The following CNTN2 variants were observed in gnomAD, a reference collection of about 807,000 sequenced individuals.
CNTN2 encodes the protein contactin-2.
A neutral mutation model predicts 117.5 loss-of-function variants in CNTN2; 53 were observed. The ratio of observed to expected loss-of-function variants is 0.45; its 90% CI spans 0.36 to 0.57. The LOEUF is 0.57. Ranked by LOEUF, CNTN2 falls within the 20% of genes least tolerant of loss-of-function variation. CNTN2 has a pLI of 0.00. For missense variants in CNTN2, 1,106 were observed against 1,404.3 expected (o/e 0.79, Z 3.39); for synonymous variants, 530 against 561.7 (o/e 0.94, Z 0.80).
chr1:205,064,994 G>T, intron 12 of CNTN2, 93 bp from the exon 13 acceptor site: 3 of 1,406,862 alleles, frequency 2.1e-6, no homozygotes, highest in Non-Finnish European at 2.9e-6. Context: ...CTCTTTGCTG[G>T]GCCTTAGGAC....
In CNTN2 at chr1:205,065,690, G is replaced by T; in HGVS notation, c.1696-99G>T. ...TCCAGTGGGGTCCATGGATGTCATG[G>T]AGTAGGGGACTCCCAAGCGCTGCCT... On this transcript the variant is annotated intron_variant, in intron 13 of 22. Transcript: ENST00000331830. The surrounding 1 kb of genome is among the most constrained non-coding windows in gnomAD (Gnocchi z 4.1). The T allele has an allele frequency of 1.6e-6, 1 of 610,326 alleles. No individual in the cohort carries two copies. The allele number at this position is 610,326 out of a possible 1,614,324, so 37.8% of individuals were successfully genotyped here.
intron 12 of CNTN2, 119 bp downstream of exon 12, chr1:205,064,869 C>A: frequency 6.8e-7 from 1 of 1,466,546 alleles, no homozygotes; most frequent in South Asian, 1.3e-5. Context: ...CCCCAGGATT[C>A]AGTTTTGCTT....
In CNTN2 at chr1:205,073,336, G is replaced by T. The variant is rs968953859; in HGVS notation, c.3013+100G>T. The T allele has an allele frequency of 1.4e-6, 2 of 1,412,222 alleles. No homozygotes were observed. The highest frequency in any genetic ancestry group is 2.0e-5 in the Admixed American group (1 of 50,010). The allele number at this position is 1,412,222 out of a possible 1,614,324, so 87.5% of individuals were successfully genotyped here. On this transcript the variant is annotated intron_variant, in intron 22 of 22. Transcript: ENST00000331830. The surrounding 1 kb of genome is among the most constrained non-coding windows in gnomAD (Gnocchi z 6.3). ...CCCAGGCCAACTCCAATCTCTACCCGCAAAGGAAAGTGGAAGGCAGGCAGG... is the reference window on the plus strand; with the variant it reads ...CCCAGGCCAACTCCAATCTCTACCCTCAAAGGAAAGTGGAAGGCAGGCAGG...
intron 1 of CNTN2, among the ~76,000 whole-genome samples, chr1:205,044,202 G>A (rs2096437175): frequency 6.6e-6 from 1 of 152,170 alleles, no homozygotes; most frequent in Non-Finnish European, 1.5e-5. Flanking sequence ...GCAGAGCTGG[G>A]GAGTTCTGGA....
intron 10 of CNTN2, 30 bp from the exon 11 acceptor site, chr1:205,064,292 T>C (rs1425466247): frequency 6.5e-7 from 1 of 1,531,774 alleles, no homozygotes; most frequent in African/African-American, 1.4e-5. Flanking sequence ...TGACAGTACT[T>C]TTCTCTGTGG....
In CNTN2 at chr1:205,072,125, T is replaced by C. The variant is rs1483912425; in HGVS notation, c.2723T>C (p.Met908Thr). Residue 908 changes from methionine to threonine, a missense_variant, in exon 20 of 23, where the codon ATG becomes ACG. Physicochemically the swap from Met to Thr is moderately conservative, Grantham distance 81 (BLOSUM62 -1). Coordinates refer to ENST00000331830, the MANE Select transcript of CNTN2 (RefSeq NM_005076.5). ...AGCCCTTCTGCCAACGCCACGACCATGAAGCCCCGTGAGTCTGTCTGCCTG... is the reference window on the plus strand; with the variant it reads ...AGCCCTTCTGCCAACGCCACGACCACGAAGCCCCGTGAGTCTGTCTGCCTG... ...PASPSANATT[M>T]KPPPRRPPGN... 1 of 1,608,646 alleles carries C rather than the reference T, an allele frequency of 6.2e-7. No individual in the cohort carries two copies.
At chr1:205,060,715 C>CAAAAAAAAAAAAAA (rs34919627) in intron 7 of CNTN2, 2 of 96,396 alleles carry the variant, frequency 2.1e-5, no homozygotes, top group African/African-American at 4.1e-5. Flanking sequence ...GACTCCGTCT[C>CAAAAAAAAAAAAAA]AAAAAAAAAA....
Position 205,062,420 on chromosome 1 carries a change from C to T in CNTN2, c.1111-20C>T. 1 of 1,604,798 alleles carries T rather than the reference C, an allele frequency of 6.2e-7. No individual in the cohort carries two copies. On this transcript the variant is annotated intron_variant, in intron 9 of 22. Coordinates refer to ENST00000331830, the MANE Select transcript of CNTN2 (RefSeq NM_005076.5). ...CTCCTGTGGTCCTGATCCCCCTGGG[C>T]TCTGGGCTCTTCTGCACAGAACCGG...
chr1:205,067,952 A>G lies in CNTN2; in HGVS notation c.2125+702A>G, dbSNP rs6692343. On this transcript the variant is annotated intron_variant, in intron 16 of 22. Transcript: ENST00000331830. ...CAAAAAAAAAAAAAAAAAAAAAAAAAAAAGAAAGAAAAAAAGGAAATCAGT... is the reference window on the plus strand; with the variant it reads ...CAAAAAAAAAAAAAAAAAAAAAAAAGAAAGAAAGAAAAAAAGGAAATCAGT... 795 of 153,160 alleles carry G rather than the reference A, an allele frequency of 5.2e-3. 8 individuals carry two copies. The highest frequency in any genetic ancestry group is 0.018 in the African/African-American group (720 of 40,508). 9.5% of individuals were successfully genotyped at this position (153,160 alleles called of 1,614,324 possible).
Position 205,069,873 on chromosome 1 carries a change from T to C in CNTN2, c.2243T>C (p.Leu748Pro). 1 of 1,613,830 alleles carries C rather than the reference T, an allele frequency of 6.2e-7. No homozygotes were observed. Among genetic ancestry groups the C allele is most frequent in the Non-Finnish European group, 8.5e-7 (1 of 1,180,002 alleles). The change falls in exon 18 of 23, where the codon CTG (leucine) becomes CCG (proline). Residue 748 changes from leucine to proline, a missense_variant. Transcript: ENST00000331830. ...YQNGDGFGYL[L>P]SFRRQGSTHW... ...AACGGAGACGGCTTCGGCTACCTGCTGTCCTTCCGCAGGCAGGGCAGCACT... is the reference window on the plus strand; with the variant it reads ...AACGGAGACGGCTTCGGCTACCTGCCGTCCTTCCGCAGGCAGGGCAGCACT...
intron 11 of CNTN2, 63 bp downstream of exon 11, chr1:205,064,535 C>A: frequency 6.3e-7 from 1 of 1,595,470 alleles, no homozygotes; most frequent in Non-Finnish European, 8.6e-7. Flanking sequence ...GAGGCCAATT[C>A]CCCTCCTGTG....
Position 205,073,396 on chromosome 1 carries a change from C to T in CNTN2, c.3013+160C>T, listed in dbSNP as rs1045438821. 4.3e-5 allele frequency: 39 copies of T among 904,106 alleles called. No homozygotes were observed. The highest frequency in any genetic ancestry group is 4.0e-4 in the African/African-American group (24 of 59,638). 56.0% of individuals were successfully genotyped at this position (904,106 alleles called of 1,614,324 possible). On this transcript the variant is annotated intron_variant, in intron 22 of 22. Coordinates refer to ENST00000331830, the MANE Select transcript of CNTN2 (RefSeq NM_005076.5). The surrounding 1 kb of genome is among the most constrained non-coding windows in gnomAD (Gnocchi z 6.3). ...CAAAGTAGTCTTAGAACTGCCTCGC[C>T]GCCACCTTTCTACCCAGCCCCCAGA... is the stretch of plus-strand genomic sequence containing the variant.
intron 12 of CNTN2, 50 bp downstream of exon 12, chr1:205,064,800 T>C: frequency 6.2e-7 from 1 of 1,603,038 alleles, no homozygotes; most frequent in Non-Finnish European, 8.5e-7. Context: ...CTCAGGGTAC[T>C]GTCCTCCCCA....
At chr1:205,066,112 A>T (rs1654276812) in intron 14 of CNTN2, 2 of 701,156 alleles carry the variant, frequency 2.9e-6, no homozygotes, top group Non-Finnish European at 4.6e-6. Context: ...GTCAAAGTTT[A>T]AAAAATCCAC....
At position 205,065,381 on chromosome 1, in the gene CNTN2, T is replaced by A; in HGVS notation, c.1695+119T>A. On this transcript the variant is annotated intron_variant, in intron 13 of 22. Coordinates refer to ENST00000331830, the MANE Select transcript of CNTN2 (RefSeq NM_005076.5). This position sits in a 1 kb window ranked among gnomAD's most constrained non-coding sequence, Gnocchi z 4.1. The stretch of plus-strand genomic sequence containing the variant: ...CCATAGCCTAAGCGCCCCCATTCCC[T>A]CAGGCCCACACATGGCAAGCTCATC... The A allele has an allele frequency of 9.6e-7, 1 of 1,037,068 alleles. No homozygotes were observed. The highest frequency in any genetic ancestry group is 1.4e-6 in the Non-Finnish European group (1 of 706,024). The allele number at this position is 1,037,068 out of a possible 1,614,324, so 64.2% of individuals were successfully genotyped here. A position where few individuals can be genotyped will look rare whatever the true frequency, so the allele number is the denominator to read the frequency against.
chr1:205,063,647 A>G (rs1284313848), intron 10 of CNTN2: 1 of 142,678 alleles, frequency 7.0e-6, no homozygotes, highest in African/African-American at 2.6e-5. Flanking sequence ...AAAAAAGAAG[A>G]AGAAAGAAAA....
chr1:205,067,153 C>T lies in CNTN2; in HGVS notation c.2028C>T (p.Thr676=). 1 of 1,614,128 alleles carries T rather than the reference C, an allele frequency of 6.2e-7. No individual in the cohort carries two copies. Among genetic ancestry groups the T allele is most frequent in the Non-Finnish European group, 8.5e-7 (1 of 1,180,004 alleles). ...AGACTGCACAGGTGCTGGGCCTCACCCCCTGGATGGACTATGAGTTCCGGG... is the reference window on the plus strand; with the variant it reads ...AGACTGCACAGGTGCTGGGCCTCACTCCCTGGATGGACTATGAGTTCCGGG... ...NAETAQVLGL[T]PWMDYEFRVI... Residue 676 remains threonine, a synonymous_variant, in exon 16 of 23, where the codon ACC becomes ACT. Coordinates refer to ENST00000331830, the MANE Select transcript of CNTN2 (RefSeq NM_005076.5).
At position 205,074,500 on chromosome 1, in the gene CNTN2, A is replaced by G. The variant is rs1420748082; in HGVS notation, c.*735A>G. ...CCTTGGTCTGAGATAGTCACAACCC[A>G]GGTGACGATGCCCTCTCAGCCAACA... On this transcript the variant is annotated 3_prime_UTR_variant, in exon 23 of 23. Transcript: ENST00000331830. The G allele has an allele frequency of 7.5e-6, 3 of 398,168 alleles. No individual in the cohort carries two copies. Among genetic ancestry groups the G allele is most frequent in the Non-Finnish European group, 1.3e-5 (3 of 226,146 alleles). The allele number at this position is 398,168 out of a possible 1,614,324, so 24.7% of individuals were successfully genotyped here.
Position 205,064,628 on chromosome 1 carries a change from C to T in CNTN2, c.1397C>T (p.Thr466Ile), listed in dbSNP as rs145344980. Residue 466 changes from threonine to isoleucine, a missense_variant, in exon 12 of 23, where the codon ACT (threonine) becomes ATT (isoleucine). Coordinates refer to ENST00000331830, the MANE Select transcript of CNTN2 (RefSeq NM_005076.5). ...TEILVNSSRV[T>I]VTPDGTLIIR... ...CTGCCTTGTCCTTGCCACAGAGTGACTGTAACTCCAGATGGCACCTTGATC... is the reference window on the plus strand; with the variant it reads ...CTGCCTTGTCCTTGCCACAGAGTGATTGTAACTCCAGATGGCACCTTGATC... 9.3e-6 allele frequency: 15 copies of T among 1,613,994 alleles called. No homozygotes were observed. The African/African-American group carries it at 1.9e-4, about 20-fold the overall frequency.
Sources: gnomAD v4.1 joint callset for allele counts (sites outside exome capture counted in the v4.1 genomes callset) on GRCh38, gnomAD v4.1.1 for gene constraint, Gnocchi (gnomAD v3.1) non-coding constraint, MANE v1.5 for transcripts, NCBI Gene and HGNC (gene_info 2026-07-23, HGNC 2026-07-21) for gene names.